Variants in NPAS3 observed in about 807,000 individuals in gnomAD.
NPAS3 encodes neuronal PAS domain-containing protein 3.
Under a neutral mutation model 73.1 loss-of-function variants are expected in NPAS3, and 14 were observed. The ratio of observed to expected loss-of-function variants is 0.19; its 90% confidence interval spans 0.13 to 0.30. The LOEUF is 0.30. NPAS3 is among the 10% of genes least tolerant of loss of function. NPAS3 has a pLI of 1.00. For missense variants in NPAS3, 1,096 were observed against 1,250.0 expected, an observed-to-expected ratio of 0.88 and a Z score of 1.86; for synonymous variants, 620 against 541.5, an observed-to-expected ratio of 1.14 and a Z score of -2.01.
intron 5 of NPAS3, among the ~76,000 whole-genome samples, chr14:33,621,778 A>G (rs1270075267): frequency 6.6e-6 from 1 of 152,214 alleles, no homozygotes; most frequent in Non-Finnish European, 1.5e-5. Flanking sequence ...GAAAGAAGAA[A>G]AAAACATAAG....
intron 4 of NPAS3, among the ~76,000 whole-genome samples, chr14:33,553,380 T>C (rs2055211215): frequency 6.6e-6 from 1 of 152,196 alleles, no homozygotes; most frequent in Admixed American, 6.5e-5. Flanking sequence ...CTGCCTCTCT[T>C]TTAAGGACTG....
chr14:33,736,349 G>A (rs150315579), intron 7 of NPAS3, among the ~76,000 whole-genome samples: 1 of 152,256 alleles, frequency 6.6e-6, no homozygotes, highest in East Asian at 1.9e-4. Flanking sequence ...CAAGAGAGGT[G>A]GGAAAGCAGA....
At chr14:33,294,384 C>G (rs1334124644) in intron 3 of NPAS3, among the ~76,000 whole-genome samples, 1 of 152,114 alleles carries the variant, frequency 6.6e-6, no homozygotes, top group Non-Finnish European at 1.5e-5. Context: ...TCTTACTTTC[C>G]ATCTCATCTG....
At chr14:33,336,728 T>C (rs2044244705) in intron 3 of NPAS3, among the ~76,000 whole-genome samples, 1 of 152,118 alleles carries the variant, frequency 6.6e-6, no homozygotes, top group South Asian at 2.1e-4. Context: ...TTCACAAATA[T>C]TGCCTACACT....
At chr14:33,606,717 T>G (rs915017115) in intron 5 of NPAS3, among the ~76,000 whole-genome samples, 4 of 151,802 alleles carry the variant, frequency 2.6e-5, no homozygotes, top group South Asian at 2.1e-4. Context: ...CTAAAAGCAT[T>G]ATACTTAAAA....
chr14:33,441,211 A>G (rs1305801263), intron 4 of NPAS3, among the ~76,000 whole-genome samples: 2 of 152,258 alleles, frequency 1.3e-5, no homozygotes, highest in African/African-American at 4.8e-5. Context: ...ATTTTAAGAA[A>G]TATAATATGC....
intron 5 of NPAS3, among the ~76,000 whole-genome samples, chr14:33,653,997 G>A (rs964765623): frequency 7.2e-5 from 11 of 152,168 alleles, no homozygotes; most frequent in Non-Finnish European, 1.5e-4. Flanking sequence ...CTGGGATGTA[G>A]AGATGCTGGA....
At chr14:33,350,416 A>G (rs1324310730) in intron 3 of NPAS3, among the ~76,000 whole-genome samples, 1 of 152,186 alleles carries the variant, frequency 6.6e-6, no homozygotes, top group Non-Finnish European at 1.5e-5. Flanking sequence ...CAGTGTGTGC[A>G]TTCAGGTTTA....
chr14:33,216,356 T>C (rs2047223904), intron 3 of NPAS3, among the ~76,000 whole-genome samples: 1 of 152,230 alleles, frequency 6.6e-6, no homozygotes, highest in Non-Finnish European at 1.5e-5. Flanking sequence ...CTCTTGGCTA[T>C]GATAGGAAAG....
intron 7 of NPAS3, among the ~76,000 whole-genome samples, chr14:33,767,972 G>A (rs1345942353): frequency 6.6e-6 from 1 of 152,174 alleles, no homozygotes; most frequent in Non-Finnish European, 1.5e-5. Flanking sequence ...AAATAATGTG[G>A]CTTGTTAACA....
At chr14:33,711,188 A>C (rs941960584) in intron 6 of NPAS3, among the ~76,000 whole-genome samples, 18 of 152,238 alleles carry the variant, frequency 1.2e-4, no homozygotes, top group African/African-American at 4.3e-4. Flanking sequence ...AAATTTACTA[A>C]GATAAAATTA....
At chr14:33,211,638 T>A (rs2047038623) in intron 2 of NPAS3, among the ~76,000 whole-genome samples, 1 of 152,200 alleles carries the variant, frequency 6.6e-6, no homozygotes, top group Admixed American at 6.5e-5. Context: ...AAATTTACTA[T>A]TTCTCCTATC....
intron 3 of NPAS3, among the ~76,000 whole-genome samples, chr14:33,278,468 G>A (rs2173802): frequency 0.23 from 33,747 of 149,362 alleles, 3,858 homozygotes; most frequent in Middle Eastern, 0.28. Context: ...TGACTTGATA[G>A]GACAATAGGA....
At chr14:33,666,656 T>C (rs1222823420) in intron 5 of NPAS3, among the ~76,000 whole-genome samples, 1 of 152,198 alleles carries the variant, frequency 6.6e-6, no homozygotes, top group Non-Finnish European at 1.5e-5. Flanking sequence ...TTTTTTTTCA[T>C]ATTATTTGAC....
chr14:33,071,771 GAAT>G (rs1321717491), intron 2 of NPAS3, among the ~76,000 whole-genome samples: 5 of 152,058 alleles, frequency 3.3e-5, no homozygotes, highest in Non-Finnish European at 5.9e-5. Context: ...CCACAATAAA[GAAT>G]AATAATTTTA....
chr14:33,547,427 A>C (rs1228555476), intron 4 of NPAS3, among the ~76,000 whole-genome samples: 1 of 152,208 alleles, frequency 6.6e-6, no homozygotes, highest in Non-Finnish European at 1.5e-5. Context: ...CTTGGTCTTC[A>C]AAATTTGTCA....
chr14:33,720,721 T>C (rs1406073333), intron 6 of NPAS3, among the ~76,000 whole-genome samples: 3 of 152,200 alleles, frequency 2.0e-5, no homozygotes, highest in African/African-American at 7.2e-5. Flanking sequence ...ATTCCACTCT[T>C]CCTTTTTAGT....
chr14:33,140,850 G>T (rs75411550), intron 2 of NPAS3, among the ~76,000 whole-genome samples: 2,374 of 152,300 alleles, frequency 0.016, 63 homozygotes, highest in African/African-American at 0.053. Context: ...GCTGCATTTG[G>T]AAGTGAATGA....
intron 1 of NPAS3, among the ~76,000 whole-genome samples, chr14:32,996,938 G>A (rs552543460): frequency 7.7e-4 from 118 of 152,258 alleles, no homozygotes; most frequent in Non-Finnish European, 9.4e-4. Flanking sequence ...AGCTTGCACC[G>A]TGTATCGGGA....
Sources: gnomAD v4.1 joint callset for allele counts (sites outside exome capture counted in the v4.1 genomes callset) on GRCh38, gnomAD v4.1.1 for gene constraint, MANE v1.5 for transcripts, NCBI Gene and HGNC (gene_info 2026-07-23, HGNC 2026-07-21) for gene names.